The following RPS6KA2 variants were observed in gnomAD, a reference collection of about 807,000 sequenced individuals.
The protein encoded by RPS6KA2 is ribosomal protein S6 kinase A2.
RPS6KA2 carries 42 observed loss-of-function variants against 91.8 expected under a neutral mutation model. The ratio of observed to expected loss-of-function variants is 0.46; its 90% CI spans 0.36 to 0.59. The LOEUF (loss-of-function observed/expected upper bound fraction) is 0.59, where lower values mean the gene tolerates loss of function less well. RPS6KA2 is among the 20% of genes least tolerant of loss of function. The pLI is 0.00. For synonymous variants in RPS6KA2, 414 were observed against 393.6 expected, an observed-to-expected ratio of 1.05 and a Z score of -0.61; for missense variants, 798 against 978.5, an observed-to-expected ratio of 0.82 and a Z score of 2.46.
chr6:166,736,570 G>A (rs1790673373), intron 2 of RPS6KA2, among the ~76,000 whole-genome samples: 1 of 152,166 alleles, frequency 6.6e-6, no homozygotes, highest in African/African-American at 2.4e-5. Flanking sequence ...CCATGTCTTA[G>A]GGAAAGTGAA....
At chr6:166,589,734 C>T (rs896020868) in intron 1 of RPS6KA2, among the ~76,000 whole-genome samples, 5 of 152,200 alleles carry the variant, frequency 3.3e-5, no homozygotes, top group African/African-American at 1.2e-4. Flanking sequence ...AAAAACAGAG[C>T]GTGGTCTATC....
At chr6:166,413,618 A>C (rs1778393551) in intron 20 of RPS6KA2, among the ~76,000 whole-genome samples, 176 bp downstream of exon 20, 1 of 152,216 alleles carries the variant, frequency 6.6e-6, no homozygotes, top group Non-Finnish European at 1.5e-5. Flanking sequence ...AGCCCTGTGC[A>C]ATACTGCACG....
At chr6:166,688,074 G>A (rs1282833911) in intron 2 of RPS6KA2, among the ~76,000 whole-genome samples, 1 of 152,258 alleles carries the variant, frequency 6.6e-6, no homozygotes, top group East Asian at 1.9e-4. Flanking sequence ...CAAAAGGCAG[G>A]AGGAGGGAGA....
chr6:166,625,325 CCCCCCA>C lies in RPS6KA2; in HGVS notation c.99+1590_99+1595del, dbSNP rs1283175489. Among the ~76,000 whole-genome samples, 233 of 45,134 alleles carry C rather than the reference CCCCCCA, an allele frequency of 5.2e-3. 1 individual carries two copies. The highest frequency in any genetic ancestry group is 0.041 in the African/African-American group (217 of 5,336). The allele number at this position is 45,134 out of a possible 152,430, so 29.6% of individuals were successfully genotyped here. A position where few individuals can be genotyped will look rare whatever the true frequency, so the allele number is the denominator to read the frequency against. On this transcript the variant is annotated intron_variant, in intron 1 of 20. Transcript: ENST00000265678. ...AAACCTCGTTTCCTATTCCCACCAC[CCCCCCA>C]CCCCCCCCCCCGCTTGTTTCCCACT...
chr6:166,544,057 G>A (rs1402207296), intron 1 of RPS6KA2, among the ~76,000 whole-genome samples: 1 of 152,388 alleles, frequency 6.6e-6, no homozygotes, highest in East Asian at 1.9e-4. Context: ...CTGGCCTCCA[G>A]GAGAAAGCTG....
chr6:166,630,738 G>A (rs1562353617), upstream of RPS6KA2, among the ~76,000 whole-genome samples: 1 of 152,266 alleles, frequency 6.6e-6, no homozygotes, highest in Non-Finnish European at 1.5e-5. Context: ...AATGGGTTTA[G>A]TCAAGCTTCC....
chr6:166,759,114 C>T (rs1964808), intron 2 of RPS6KA2, among the ~76,000 whole-genome samples: 79,314 of 151,608 alleles, frequency 0.52, 22,624 homozygotes, highest in South Asian at 0.68. Context: ...TGCAGGTCTG[C>T]GTCTACACAG....
intron 1 of RPS6KA2, among the ~76,000 whole-genome samples, chr6:166,568,078 T>A (rs190991896): frequency 5.8e-4 from 89 of 152,306 alleles, no homozygotes; most frequent in Admixed American, 9.8e-4. Context: ...TTGGACATCC[T>A]GCTCTCGTAA....
chr6:166,511,248 C>T (rs2128483286), intron 3 of RPS6KA2, among the ~76,000 whole-genome samples: 1 of 152,244 alleles, frequency 6.6e-6, no homozygotes, highest in East Asian at 1.9e-4. Flanking sequence ...CCTGCGGGTT[C>T]CCTAACAATC....
At chr6:166,591,196 A>G (rs1000562856) in intron 1 of RPS6KA2, among the ~76,000 whole-genome samples, 4 of 152,244 alleles carry the variant, frequency 2.6e-5, no homozygotes, top group African/African-American at 9.6e-5. Flanking sequence ...GCAAGGACTC[A>G]GCAAACACAC....
rs1562399254 is a variant in RPS6KA2, at chr6:166,717,706, AAC to A, written c.123+140492_123+140493del. ...TCTCTAAGATCCAGAGTGCACCAGA[AAC>A]ACAGGTCAGCATGCTGAAATGACCC... On this transcript the variant is annotated intron_variant, in intron 2 of 21. Coordinates refer to the RPS6KA2 transcript ENST00000503859. Among the ~76,000 whole-genome samples the A allele has an allele frequency of 7.9e-5, 12 of 152,276 alleles. 1 individual carries two copies. The South Asian group carries it at 1.9e-3, about 24-fold the overall frequency.
At chr6:166,565,845 A>G (rs117092488) in intron 1 of RPS6KA2, among the ~76,000 whole-genome samples, 2,403 of 152,314 alleles carry the variant, frequency 0.016, 40 homozygotes, top group Middle Eastern at 0.054. Flanking sequence ...ATGGATGCAG[A>G]GGTCACCGCT....
intron 7 of RPS6KA2, among the ~76,000 whole-genome samples, chr6:166,499,297 G>T (rs369504674): frequency 6.6e-6 from 1 of 152,246 alleles, no homozygotes; most frequent in African/African-American, 2.4e-5. Flanking sequence ...ATGACAGAGC[G>T]TGGCTAAATA....
At chr6:166,583,554 C>T (rs1466042822) in intron 1 of RPS6KA2, among the ~76,000 whole-genome samples, 1 of 152,240 alleles carries the variant, frequency 6.6e-6, no homozygotes, top group Non-Finnish European at 1.5e-5. Context: ...ACCAGGGTTC[C>T]CCACCCACTG....
rs977584773 is a variant in RPS6KA2 at position 166,434,137 on chromosome 6, G to T, written c.1333-1647C>A. On this transcript the variant is annotated intron_variant, in intron 14 of 20. Coordinates refer to ENST00000265678, the MANE Select transcript of RPS6KA2 (RefSeq NM_021135.6). This position sits in a 1 kb window ranked among gnomAD's most constrained non-coding sequence, Gnocchi z 4.4. ...ATAATCTGTCCCCTGGTCACCCTTCGTCCACTCCCCGTCACCGTTATAAAA... is the reference window on the plus strand; with the variant it reads ...ATAATCTGTCCCCTGGTCACCCTTCTTCCACTCCCCGTCACCGTTATAAAA... Among the ~76,000 whole-genome samples, 1 of 152,048 alleles carries T rather than the reference G, an allele frequency of 6.6e-6. No individual in the cohort carries two copies. The highest frequency in any genetic ancestry group is 2.4e-5 in the African/African-American group (1 of 41,396).
chr6:166,663,343 C>T (rs1156603903), intron 2 of RPS6KA2, among the ~76,000 whole-genome samples: 1 of 152,096 alleles, frequency 6.6e-6, no homozygotes, highest in Admixed American at 6.6e-5. Context: ...GAAAAACCTG[C>T]GAGTGACAAT....
At chr6:166,777,588 T>C (rs1182607886) in intron 2 of RPS6KA2, among the ~76,000 whole-genome samples, 1 of 152,190 alleles carries the variant, frequency 6.6e-6, no homozygotes, top group Non-Finnish European at 1.5e-5. Flanking sequence ...ATTAAAGAAG[T>C]ATTGTTAAAA....
intron 2 of RPS6KA2, among the ~76,000 whole-genome samples, chr6:166,839,191 G>A (rs534213166): frequency 1.2e-4 from 19 of 152,324 alleles, no homozygotes; most frequent in African/African-American, 4.1e-4. Flanking sequence ...GGGGACCCGC[G>A]CGTAAGTCAT....
intron 2 of RPS6KA2, among the ~76,000 whole-genome samples, chr6:166,775,899 T>C (rs1184276944): frequency 6.6e-6 from 1 of 152,144 alleles, no homozygotes; most frequent in Non-Finnish European, 1.5e-5. Context: ...AAGGATAATG[T>C]CCTCGCGATG....
Sources: allele counts gnomAD v4.1 joint callset (sites outside exome capture counted in the v4.1 genomes callset), GRCh38; gene constraint gnomAD v4.1.1; non-coding constraint Gnocchi (gnomAD v3.1); transcripts MANE v1.5; gene names NCBI Gene and HGNC (gene_info 2026-07-23, HGNC 2026-07-21).